ASAP3: variants seen among roughly 807,000 people sequenced by gnomAD.
The protein encoded by ASAP3 is ArfGAP with SH3 domain, ankyrin repeat and PH domain 3.
Under a neutral mutation model 118.2 loss-of-function variants are expected in ASAP3, and 85 were observed. The ratio of observed to expected loss-of-function variants is 0.72; its 90% CI spans 0.60 to 0.86. The LOEUF (loss-of-function observed/expected upper bound fraction) is 0.86, where lower values mean the gene tolerates loss of function less well. Among genes scored for constraint, ASAP3 ranks in the 40% least tolerant of loss-of-function variants. The probability of loss-of-function intolerance (pLI) is 0.00; values close to 1 mark genes in which losing one functional copy is unlikely to be tolerated. For missense variants in ASAP3, 1,026 were observed against 1,175.0 expected, an observed-to-expected ratio of 0.87 and a Z score of 1.85; for synonymous variants, 432 against 477.4, an observed-to-expected ratio of 0.90 and a Z score of 1.24.
intron 5 of ASAP3, among the ~76,000 whole-genome samples, chr1:23,443,544 T>C (rs71638889): frequency 6.6e-6 from 1 of 152,132 alleles, no homozygotes; most frequent in Non-Finnish European, 1.5e-5. Flanking sequence ...AAAACCTTTG[T>C]TCTTTTATTT....
intron 19 of ASAP3, 99 bp downstream of exon 19, chr1:23,434,154 TG>T: frequency 8.9e-7 from 1 of 1,125,072 alleles, no homozygotes; most frequent in Non-Finnish European, 1.3e-6. Context: ...ATCACAGAGG[TG>T]GTCAGAAGCA....
chr1:23,469,375 G>A (rs1641890600), intron 1 of ASAP3, among the ~76,000 whole-genome samples: 1 of 152,160 alleles, frequency 6.6e-6, no homozygotes, highest in Admixed American at 6.5e-5. Flanking sequence ...CAGAGTCCAT[G>A]CTTTTAACCA....
At chr1:23,434,645 T>A in intron 17 of ASAP3, 27 bp from the exon 18 acceptor site, 5 of 1,605,044 alleles carry the variant, frequency 3.1e-6, no homozygotes, top group Non-Finnish European at 4.3e-6. Flanking sequence ...ACCTCTGAGA[T>A]TCCCCCCCCA....
At chr1:23,431,183 G>A in intron 23 of ASAP3, 58 bp from the exon 24 acceptor site, 2 of 1,524,364 alleles carry the variant, frequency 1.3e-6, no homozygotes, top group South Asian at 1.2e-5. Flanking sequence ...CTCAGAGTGG[G>A]GAGAAAGGGC....
In ASAP3 at chr1:23,456,204, A is replaced by G. The variant is rs1398814892; in HGVS notation, c.130-10T>C. 1 of 1,613,590 alleles carries G rather than the reference A, an allele frequency of 6.2e-7. No homozygotes were observed. Among genetic ancestry groups the G allele is most frequent in the South Asian group, 1.1e-5 (1 of 91,018 alleles). On this transcript the variant is annotated splice_polypyrimidine_tract_variant and intron_variant, in intron 1 of 24. Transcript: ENST00000336689. ...GGTCTCCTTCCAAGATCTGGAAGCA[A>G]ATGTGGACAGAGGTTCAGGGATGCC...
chr1:23,468,394 T>C (rs1300561285), intron 1 of ASAP3, among the ~76,000 whole-genome samples: 3 of 152,222 alleles, frequency 2.0e-5, no homozygotes, highest in Non-Finnish European at 4.4e-5. Context: ...AATTCATTTG[T>C]TCTTTCCCAT....
At chr1:23,444,764 A>T (rs1640993321) in intron 5 of ASAP3, among the ~76,000 whole-genome samples, 1 of 152,174 alleles carries the variant, frequency 6.6e-6, no homozygotes, top group African/African-American at 2.4e-5. Flanking sequence ...CATATACAGA[A>T]TCTGTCCCTG....
chr1:23,464,115 G>A (rs12736303), intron 1 of ASAP3, among the ~76,000 whole-genome samples: 7,362 of 151,274 alleles, frequency 0.049, 273 homozygotes, highest in Non-Finnish European at 0.074. Flanking sequence ...TGAGAGGATC[G>A]CTTGAGCCCA....
At position 23,452,753 on chromosome 1, in the gene ASAP3, T is replaced by C; in HGVS notation, c.367A>G (p.Ile123Val). The change falls in exon 4 of 25, where the codon ATT becomes GTT. Residue 123 changes from isoleucine (I) to valine (V), a missense_variant. Coordinates refer to ENST00000336689, the MANE Select transcript of ASAP3 (RefSeq NM_017707.4). ...AGACTGTCCAGGGGGAAAGAGACAA[T>C]GTTGTTCAAGTTCTGAATCTGGAAA... ...FKNLIQNLNNIVSFPLDSLMK... is the reference protein window; with the variant it reads ...FKNLIQNLNNVVSFPLDSLMK... 6.2e-7 allele frequency: 1 copy of C among 1,613,748 alleles called. No homozygotes were observed. Among genetic ancestry groups the C allele is most frequent in the Non-Finnish European group, 8.5e-7 (1 of 1,179,984 alleles).
chr1:23,448,688 A>C (rs1216085391), intron 5 of ASAP3, among the ~76,000 whole-genome samples: 1 of 152,112 alleles, frequency 6.6e-6, no homozygotes, highest in Non-Finnish European at 1.5e-5. Flanking sequence ...GCTGGTTTCG[A>C]ACTCCTGAGC....
rs756502000 is a variant in ASAP3, at chr1:23,429,944, G to A, written c.2638-14C>T. On this transcript the variant is annotated splice_polypyrimidine_tract_variant and intron_variant, in intron 24 of 24. Coordinates refer to ENST00000336689, the MANE Select transcript of ASAP3 (RefSeq NM_017707.4). ...AGTGATGCCAACCTGCAGAAAGAAGGATGAAACTGACATTTTCAAAGCACC... is the reference window on the plus strand; with the variant it reads ...AGTGATGCCAACCTGCAGAAAGAAGAATGAAACTGACATTTTCAAAGCACC... 5.0e-6 allele frequency: 8 copies of A among 1,612,092 alleles called. No homozygotes were observed. In the African/African-American group the frequency reaches 9.3e-5, roughly 19 times the overall value.
Position 23,442,175 on chromosome 1 carries a change from A to G in ASAP3, c.671+11T>C, listed in dbSNP as rs758557658. ...GAAGGGTTAGTGGCAGGGACGCGGG[A>G]AGATACCTACTTGTGCTGGGCGTGG... On this transcript the variant is annotated intron_variant, in intron 7 of 24. Coordinates refer to ENST00000336689, the MANE Select transcript of ASAP3 (RefSeq NM_017707.4). The G allele has an allele frequency of 6.3e-7, 1 of 1,588,314 alleles. No individual in the cohort carries two copies. The highest frequency in any genetic ancestry group is 1.8e-5 in the Admixed American group (1 of 54,750).
intron 4 of ASAP3, 124 bp downstream of exon 4, chr1:23,452,573 A>G (rs1641251220): frequency 9.3e-7 from 1 of 1,076,050 alleles, no homozygotes; most frequent in Non-Finnish European, 1.4e-6. Context: ...CCCCAGGCTC[A>G]TCACTCCCGC....
chr1:23,442,443 G>C (rs1205107589), intron 6 of ASAP3, 58 bp downstream of exon 6: 10 of 1,600,344 alleles, frequency 6.2e-6, no homozygotes, highest in Non-Finnish European at 8.5e-6. Flanking sequence ...GTCCCCTGGA[G>C]AGGCAGACAG....
Position 23,484,041 on chromosome 1 carries a change from C to T in ASAP3, c.93G>A (p.Met31Ile). The T allele has an allele frequency of 2.2e-6, 3 of 1,337,938 alleles. No individual in the cohort carries two copies. The South Asian group carries it at 5.8e-5, about 26-fold the overall frequency. 82.9% of individuals were successfully genotyped at this position (1,337,938 alleles called of 1,614,324 possible). ...PAGAAAFAAKMPRYRGAALAR... is the reference protein window; with the variant it reads ...PAGAAAFAAKIPRYRGAALAR... Reference sequence around the variant, plus strand: ...CCAGCGCCGCCCCTCGGTACCGGGGCATCTTGGCGGCGAAGGCGGCGGCCC... The same window carrying T: ...CCAGCGCCGCCCCTCGGTACCGGGGTATCTTGGCGGCGAAGGCGGCGGCCC... Residue 31 changes from methionine to isoleucine, a missense_variant, in exon 1 of 25, where the codon ATG becomes ATA. Met to Ile is a conservative substitution (Grantham distance 10, BLOSUM62 1). Coordinates refer to ENST00000336689, the MANE Select transcript of ASAP3 (RefSeq NM_017707.4).
Position 23,438,677 on chromosome 1 carries a change from G to C in ASAP3, c.1102+70C>G. ...CACAGACCCCTCACTGAAGCCCCCCGGGAGCTGACAGGTGTCTTAGAGAAG... is the reference window on the plus strand; with the variant it reads ...CACAGACCCCTCACTGAAGCCCCCCCGGAGCTGACAGGTGTCTTAGAGAAG... On this transcript the variant is annotated intron_variant, in intron 12 of 24. Transcript: ENST00000336689. The surrounding 1 kb of genome is among the most constrained non-coding windows in gnomAD (Gnocchi z 4.9). The C allele has an allele frequency of 7.0e-7, 1 of 1,426,342 alleles. No homozygotes were observed. The highest frequency in any genetic ancestry group is 9.8e-7 in the Non-Finnish European group (1 of 1,015,730). 88.4% of individuals were successfully genotyped at this position (1,426,342 alleles called of 1,614,324 possible).
chr1:23,479,399 G>A (rs1459348434), intron 1 of ASAP3, among the ~76,000 whole-genome samples: 4 of 152,078 alleles, frequency 2.6e-5, no homozygotes, highest in African/African-American at 9.7e-5. Flanking sequence ...AGTCTCATGA[G>A]GCACCTCTAA....
At chr1:23,473,889 T>A (rs1642035034) in intron 1 of ASAP3, among the ~76,000 whole-genome samples, 2 of 147,478 alleles carry the variant, frequency 1.4e-5, no homozygotes, top group African/African-American at 5.1e-5. Flanking sequence ...ATGTCTCTGC[T>A]CCCCTTCTAG....
chr1:23,475,044 C>T (rs2148661465), intron 1 of ASAP3, among the ~76,000 whole-genome samples: 1 of 152,362 alleles, frequency 6.6e-6, no homozygotes, highest in East Asian at 1.9e-4. Context: ...GCCAGTCTGG[C>T]ATCTGACCTC....
Sources: allele counts gnomAD v4.1 joint callset (sites outside exome capture counted in the v4.1 genomes callset), GRCh38; gene constraint gnomAD v4.1.1; non-coding constraint Gnocchi (gnomAD v3.1); transcripts MANE v1.5; gene names NCBI Gene and HGNC (gene_info 2026-07-23, HGNC 2026-07-21).